The following LAMA3 variants were observed in gnomAD, a reference collection of about 807,000 sequenced individuals.
LAMA3 encodes laminin subunit alpha 3.
In LAMA3, 281 loss-of-function variants were observed where a neutral mutation model predicts 402.0. That is an observed-to-expected ratio of 0.70 (90% CI 0.63 to 0.77). The LOEUF is 0.77. Among genes scored for constraint, LAMA3 ranks in the 30% least tolerant of loss-of-function variants. The pLI, the probability that LAMA3 is intolerant of heterozygous loss-of-function variation, is 0.00. For missense variants in LAMA3, 3,840 were observed against 4,215.5 expected, an observed-to-expected ratio of 0.91 and a Z score of 2.47; for synonymous variants, 1,431 against 1,558.4, an observed-to-expected ratio of 0.92 and a Z score of 1.93.
In LAMA3 at chr18:23,927,592, C is replaced by T. The variant is rs187370549; in HGVS notation, c.8178-531C>T. On this transcript the variant is annotated intron_variant, in intron 62 of 74. Coordinates refer to ENST00000313654, the MANE Select transcript of LAMA3 (RefSeq NM_198129.4). ...GCTTGGCATTGGTTAAATCAAGCTA[C>T]GTTTTTCATAATTGAATAGAACCAA... Among the ~76,000 whole-genome samples the T allele has an allele frequency of 8.5e-5, 13 of 152,208 alleles. No homozygotes were observed. The East Asian group carries it at 1.9e-3, about 23-fold the overall frequency.
chr18:23,836,221 A>G (rs2063579169), intron 24 of LAMA3, among the ~76,000 whole-genome samples: 1 of 152,290 alleles, frequency 6.6e-6, no homozygotes, highest in East Asian at 1.9e-4. Flanking sequence ...GGCTTTTTAT[A>G]TAACTTATCT....
chr18:23,842,170 A>G (rs971480382), intron 27 of LAMA3, among the ~76,000 whole-genome samples: 14 of 152,340 alleles, frequency 9.2e-5, no homozygotes, highest in South Asian at 6.2e-4. Context: ...TCTGCAACCA[A>G]GAGACATTTG....
chr18:23,728,986 G>A (rs558005048), intron 2 of LAMA3, among the ~76,000 whole-genome samples: 9 of 143,116 alleles, frequency 6.3e-5, no homozygotes, highest in East Asian at 2.0e-4. Context: ...AGCGGAGATC[G>A]TACCGCTGTA....
At chr18:23,707,873 C>T (rs999921857) in intron 1 of LAMA3, among the ~76,000 whole-genome samples, 1 of 152,060 alleles carries the variant, frequency 6.6e-6, no homozygotes, top group Non-Finnish European at 1.5e-5. Context: ...CAGTTACAGG[C>T]ATGTGCCACC....
chr18:23,948,536 C>T (rs1359585384), intron 70 of LAMA3, among the ~76,000 whole-genome samples: 1 of 152,046 alleles, frequency 6.6e-6, no homozygotes, highest in African/African-American at 2.4e-5. Flanking sequence ...GATGCTGGCA[C>T]CATGTGCATT....
chr18:23,875,497 C>T (rs898966318), intron 38 of LAMA3, among the ~76,000 whole-genome samples: 2 of 152,126 alleles, frequency 1.3e-5, no homozygotes, highest in Non-Finnish European at 2.9e-5. Context: ...TCTGTGTGTT[C>T]GGGTGGACCA....
chr18:23,726,368 G>A (rs956360587), intron 2 of LAMA3, among the ~76,000 whole-genome samples: 13 of 152,222 alleles, frequency 8.5e-5, no homozygotes, highest in African/African-American at 1.7e-4. Flanking sequence ...CAGCCTCCTT[G>A]CTGTGGAGTG....
chr18:23,923,724 C>A (rs1309829476), intron 62 of LAMA3, among the ~76,000 whole-genome samples: 2 of 152,098 alleles, frequency 1.3e-5, no homozygotes, highest in Non-Finnish European at 2.9e-5. Flanking sequence ...GTGGTAGAGG[C>A]CAGTGGGCTT....
At chr18:23,841,238 A>G (rs962440032) in intron 27 of LAMA3, among the ~76,000 whole-genome samples, 1 of 152,188 alleles carries the variant, frequency 6.6e-6, no homozygotes, top group Non-Finnish European at 1.5e-5. Context: ...CCCCCGAGTC[A>G]TGGGTCTCAT....
chr18:23,949,746 C>G lies in LAMA3; in HGVS notation c.9352-19C>G. 1 of 1,613,498 alleles carries G rather than the reference C, an allele frequency of 6.2e-7. No individual in the cohort carries two copies. The highest frequency in any genetic ancestry group is 8.5e-7 in the Non-Finnish European group (1 of 1,179,930). On this transcript the variant is annotated intron_variant, in intron 70 of 74. Transcript: ENST00000313654. ...TGGAGGTGTAGGTAATGAGCTTTTTCTTTTCTGCTTGGTTGCAGAGCCTCC... is the reference window on the plus strand; with the variant it reads ...TGGAGGTGTAGGTAATGAGCTTTTTGTTTTCTGCTTGGTTGCAGAGCCTCC...
chr18:23,868,963 C>T (rs1367463780), intron 37 of LAMA3, among the ~76,000 whole-genome samples: 1 of 152,038 alleles, frequency 6.6e-6, no homozygotes, highest in Non-Finnish European at 1.5e-5. Flanking sequence ...AAAGGTACAT[C>T]TATACAATGG....
intron 74 of LAMA3, among the ~76,000 whole-genome samples, chr18:23,954,109 A>C (rs2083025349): frequency 1.3e-5 from 2 of 152,262 alleles, no homozygotes; most frequent in Non-Finnish European, 2.9e-5. Context: ...TTCTCCACTA[A>C]GACTATCTTT....
Position 23,693,274 on chromosome 18 carries a change from C to A in LAMA3, c.294+3297C>A, listed in dbSNP as rs989257363. On this transcript the variant is annotated intron_variant, in intron 1 of 74. Transcript: ENST00000313654. ...CAGCAGAATTGCTTGAACCCAGGAG[C>A]TGAGATCGCGCCATTGCACTCCAGC... 4.8e-4 allele frequency among the ~76,000 whole-genome samples: 73 copies of A among 152,086 alleles called. 1 individual carries two copies. Among genetic ancestry groups the A allele is most frequent in the Admixed American group, 4.6e-3 (70 of 15,248 alleles).
intron 67 of LAMA3, among the ~76,000 whole-genome samples, chr18:23,937,371 C>CAAAAAAA (rs58274189): frequency 5.4e-5 from 5 of 92,918 alleles, no homozygotes; most frequent in South Asian, 3.8e-4. Flanking sequence ...TTCTCAAAAG[C>CAAAAAAA]AAAAAAAAAA....
At chr18:23,771,263 G>A (rs2143841740) in intron 8 of LAMA3, among the ~76,000 whole-genome samples, 1 of 152,312 alleles carries the variant, frequency 6.6e-6, no homozygotes, top group South Asian at 2.1e-4. Context: ...CGACATGCAA[G>A]AATCTTAAAA....
chr18:23,858,811 A>G lies in LAMA3; in HGVS notation c.4404A>G (p.Ser1468=). Reference sequence around the variant, plus strand: ...GAGTAAATAATCAATGTCACAGCTCACATAAGCGAAGGACTAAGGTATGCA... The same window carrying G: ...GAGTAAATAATCAATGTCACAGCTCGCATAAGCGAAGGACTAAGGTATGCA... ...CFGVNNQCHS[S]HKRRTKFVDM... Residue 1468 remains serine (S), a synonymous_variant, in exon 34 of 75, where the codon TCA becomes TCG. Coordinates refer to ENST00000313654, the MANE Select transcript of LAMA3 (RefSeq NM_198129.4). The G allele has an allele frequency of 6.2e-7, 1 of 1,614,220 alleles. No homozygotes were observed. Among genetic ancestry groups the G allele is most frequent in the Non-Finnish European group, 8.5e-7 (1 of 1,180,012 alleles).
chr18:23,695,936 G>A (rs181238675), intron 1 of LAMA3, among the ~76,000 whole-genome samples: 1 of 150,494 alleles, frequency 6.6e-6, no homozygotes, highest in East Asian at 2.0e-4. Flanking sequence ...TGGGGGTGGT[G>A]CATACCTGTG....
chr18:23,696,265 C>T (rs2060684644), intron 1 of LAMA3, among the ~76,000 whole-genome samples: 1 of 152,176 alleles, frequency 6.6e-6, no homozygotes, highest in Non-Finnish European at 1.5e-5. Context: ...TTAGCATTTA[C>T]TGTATCTTTA....
chr18:23,908,085 T>C, intron 54 of LAMA3, 150 bp downstream of exon 54: 1 of 767,626 alleles, frequency 1.3e-6, no homozygotes, highest in Admixed American at 2.1e-5. Context: ...ATTCAAAGCG[T>C]ATAGATATCC....
Sources: allele counts gnomAD v4.1 joint callset (sites outside exome capture counted in the v4.1 genomes callset), GRCh38; gene constraint gnomAD v4.1.1; transcripts MANE v1.5; gene names NCBI Gene and HGNC (gene_info 2026-07-23, HGNC 2026-07-21).